The following CDH20 variants were observed in gnomAD, a reference collection of about 807,000 sequenced individuals.
CDH20 encodes cadherin 20.
Under a neutral mutation model 74.2 loss-of-function variants are expected in CDH20, and 29 were observed. That is an observed-to-expected ratio of 0.39 (90% confidence interval 0.29 to 0.53). The LOEUF is 0.53. Among genes scored for constraint, CDH20 ranks in the 20% least tolerant of loss-of-function variants. The pLI is 0.69. For synonymous variants in CDH20, 469 were observed against 405.4 expected, an observed-to-expected ratio of 1.16 and a Z score of -1.88; for missense variants, 988 against 1,048.3, an observed-to-expected ratio of 0.94 and a Z score of 0.79.
At chr18:61,500,102 T>TAAAAAAAAAAAAAAAAAAAAAAAA (rs534695760) in intron 3 of CDH20, among the ~76,000 whole-genome samples, 1 of 56,530 alleles carries the variant, frequency 1.8e-5, no homozygotes, top group Non-Finnish European at 3.7e-5. Context: ...GACTCCATCT[T>TAAAAAAAAAAAAAAAAAAAAAAAA]AAAAAAAAAA....
At chr18:61,493,787 G>A (rs764283402) in intron 2 of CDH20, among the ~76,000 whole-genome samples, 9 of 152,100 alleles carry the variant, frequency 5.9e-5, no homozygotes, top group Non-Finnish European at 1.3e-4. Flanking sequence ...GACATACATG[G>A]CCACTGCCAA....
intron 11 of CDH20, among the ~76,000 whole-genome samples, chr18:61,551,255 T>C (rs954685262): frequency 6.6e-6 from 1 of 152,226 alleles, no homozygotes; most frequent in African/African-American, 2.4e-5. Context: ...CTTATTGAAC[T>C]AATCTATAGC....
In CDH20 at chr18:61,502,980, T is replaced by C; in HGVS notation, c.689T>C (p.Met230Thr). ...GTAATTAGGACAGCGCTCATGAACA[T>C]GGACAGAGAAGCCAAAGAATACTAC... ...TGVIRTALMN[M>T]DREAKEYYEV... Residue 230 changes from methionine to threonine, a missense_variant, in exon 5 of 12, where the codon ATG becomes ACG. This residue lies in a region of CDH20 where 613 missense variants were observed against 755.2 expected (regional missense o/e 0.81). Coordinates refer to ENST00000262717, the MANE Select transcript of CDH20 (RefSeq NM_031891.4). 1.2e-6 allele frequency: 2 copies of C among 1,613,512 alleles called. No homozygotes were observed. The highest frequency in any genetic ancestry group is 1.7e-6 in the Non-Finnish European group (2 of 1,179,796).
At chr18:61,501,534 G>A (rs1911384749) in intron 4 of CDH20, among the ~76,000 whole-genome samples, 1 of 152,112 alleles carries the variant, frequency 6.6e-6, no homozygotes, top group African/African-American at 2.4e-5. Flanking sequence ...GAAACTTACA[G>A]CCACAGAATA....
chr18:61,525,273 T>C (rs551895580), intron 6 of CDH20, among the ~76,000 whole-genome samples: 1 of 152,300 alleles, frequency 6.6e-6, no homozygotes, highest in Admixed American at 6.5e-5. Flanking sequence ...AATATCTTAT[T>C]TTTTAAAACA....
At chr18:61,446,132 T>C (rs1033130187) in intron 1 of CDH20, among the ~76,000 whole-genome samples, 5 of 152,184 alleles carry the variant, frequency 3.3e-5, no homozygotes, top group African/African-American at 4.8e-5. Context: ...TAGAAACATA[T>C]GACTAAGGCT....
At chr18:61,423,952 T>A (rs1477080425) in intron 1 of CDH20, among the ~76,000 whole-genome samples, 1 of 152,206 alleles carries the variant, frequency 6.6e-6, no homozygotes, top group Non-Finnish European at 1.5e-5. Context: ...TCTAATTTTA[T>A]CTTCCCTCAT....
intron 1 of CDH20, among the ~76,000 whole-genome samples, chr18:61,357,877 G>C (rs1910543967): frequency 6.6e-6 from 1 of 152,082 alleles, no homozygotes; most frequent in Non-Finnish European, 1.5e-5. Context: ...CCCTTTTCAA[G>C]TGTAGCCTCT....
intron 1 of CDH20, among the ~76,000 whole-genome samples, chr18:61,335,062 A>G (rs12456538): frequency 0.29 from 44,757 of 151,940 alleles, 6,845 homozygotes; most frequent in African/African-American, 0.36. Context: ...AACAACAAAA[A>G]GTTGAAACTA....
chr18:61,531,461 G>C (rs766592074), intron 7 of CDH20, among the ~76,000 whole-genome samples: 12 of 152,212 alleles, frequency 7.9e-5, no homozygotes, highest in Non-Finnish European at 1.3e-4. Context: ...AGAGAAGACT[G>C]TCATGAGCCA....
intron 1 of CDH20, among the ~76,000 whole-genome samples, chr18:61,401,916 A>G (rs1568125747): frequency 6.6e-6 from 1 of 152,194 alleles, no homozygotes; most frequent in Admixed American, 6.5e-5. Flanking sequence ...GATTATAATA[A>G]ATCCTTGGCA....
intron 1 of CDH20, among the ~76,000 whole-genome samples, chr18:61,483,787 C>T (rs1910668843): frequency 6.6e-6 from 1 of 152,156 alleles, no homozygotes; most frequent in Admixed American, 6.5e-5. Context: ...TACAATCACC[C>T]TGTGAGATAG....
intron 1 of CDH20, among the ~76,000 whole-genome samples, chr18:61,366,106 AT>A (rs1434257659): frequency 6.6e-6 from 1 of 152,302 alleles, no homozygotes; most frequent in East Asian, 1.9e-4. Flanking sequence ...ATCTTTATCA[AT>A]TAATCTGTAA....
intron 1 of CDH20, among the ~76,000 whole-genome samples, chr18:61,392,232 C>A (rs372484271): frequency 1.7e-4 from 24 of 137,204 alleles, no homozygotes; most frequent in African/African-American, 5.4e-4. Context: ...CTGTGTGGAA[C>A]CTTCTTGCTC....
intron 1 of CDH20, among the ~76,000 whole-genome samples, chr18:61,387,963 G>C (rs904608953): frequency 1.4e-5 from 2 of 147,586 alleles, no homozygotes; most frequent in Non-Finnish European, 1.5e-5. Flanking sequence ...TTTATAGTGG[G>C]GAAAAAAAAA....
intron 1 of CDH20, among the ~76,000 whole-genome samples, chr18:61,368,568 T>G (rs1910933311): frequency 1.3e-5 from 2 of 152,006 alleles, no homozygotes; most frequent in East Asian, 1.9e-4. Context: ...CAAAAATTTT[T>G]GGACATTAGA....
In CDH20 at chr18:61,554,659, C is replaced by T. The variant is rs1398827727; in HGVS notation, c.2370C>T (p.Leu790=). The change falls in exon 12 of 12, where the codon CTC becomes CTT. Residue 790 remains leucine, a synonymous_variant. Transcript: ENST00000262717. ...CCCGCTTCCGGAAGCTGGCCGAGCT[C>T]TACGGGGCGTCGGAGGGACCCGCGC... ...WGPRFRKLAE[L]YGASEGPAPL... The T allele has an allele frequency of 3.1e-6, 5 of 1,592,562 alleles. No individual in the cohort carries two copies. Among genetic ancestry groups the T allele is most frequent in the Admixed American group, 1.7e-5 (1 of 58,376 alleles).
intron 1 of CDH20, among the ~76,000 whole-genome samples, chr18:61,404,203 G>A (rs1831211129): frequency 6.6e-6 from 1 of 152,134 alleles, no homozygotes; most frequent in Admixed American, 6.5e-5. Flanking sequence ...TCCTGCACAT[G>A]TATCCTAGAA....
chr18:61,455,140 A>G (rs1305416364), intron 1 of CDH20, among the ~76,000 whole-genome samples: 1 of 152,218 alleles, frequency 6.6e-6, no homozygotes, highest in Non-Finnish European at 1.5e-5. Context: ...CAGGCATTCT[A>G]TAAAATACCT....
Sources: allele counts gnomAD v4.1 joint callset (sites outside exome capture counted in the v4.1 genomes callset), GRCh38; gene constraint gnomAD v4.1.1; regional missense constraint gnomAD v4.1.1; transcripts MANE v1.5; gene names NCBI Gene and HGNC (gene_info 2026-07-23, HGNC 2026-07-21).